ANKS1B: variants seen among roughly 807,000 people sequenced by gnomAD.
The protein encoded by ANKS1B is ankyrin repeat and sterile alpha motif domain containing 1B.
Under a neutral mutation model 148.3 loss-of-function variants are expected in ANKS1B, and 36 were observed. The observed-to-expected ratio is 0.24, with a 90% CI of 0.19 to 0.32. The LOEUF (loss-of-function observed/expected upper bound fraction) is 0.32. ANKS1B is among the 10% of genes least tolerant of loss of function. The pLI is 1.00. For missense variants in ANKS1B, 1,157 were observed against 1,542.6 expected, an observed-to-expected ratio of 0.75 and a Z score of 4.19; for synonymous variants, 542 against 560.8, an observed-to-expected ratio of 0.97 and a Z score of 0.47.
intron 8 of ANKS1B, among the ~76,000 whole-genome samples, chr12:99,744,977 G>T (rs2060454139): frequency 9.5e-6 from 1 of 105,304 alleles, no homozygotes; most frequent in South Asian, 3.6e-4. Context: ...AGGTGACAGA[G>T]TGAGACTCTG....
At chr12:99,912,645 C>A (rs1265109644) in intron 1 of ANKS1B, among the ~76,000 whole-genome samples, 2 of 152,178 alleles carry the variant, frequency 1.3e-5, no homozygotes, top group African/African-American at 4.8e-5. Context: ...AGCCACTGCA[C>A]CTGGCCCCAG....
intron 12 of ANKS1B, among the ~76,000 whole-genome samples, chr12:99,276,896 A>G: frequency 6.6e-6 from 1 of 152,182 alleles, no homozygotes; most frequent in East Asian, 1.9e-4. Flanking sequence ...GTAATATTTT[A>G]CTTCTCTGGA....
intron 9 of ANKS1B, among the ~76,000 whole-genome samples, chr12:99,546,423 C>T (rs10745859): frequency 0.46 from 70,160 of 151,926 alleles, 16,368 homozygotes; most frequent in East Asian, 0.55. Flanking sequence ...TCTTAACCTA[C>T]TTGTACTCTA....
At chr12:99,598,845 AC>A (rs2097777969) in intron 9 of ANKS1B, among the ~76,000 whole-genome samples, 1 of 152,090 alleles carries the variant, frequency 6.6e-6, no homozygotes, top group Non-Finnish European at 1.5e-5. Context: ...GTTACTTAAA[AC>A]AACAGAAGCT....
intron 1 of ANKS1B, among the ~76,000 whole-genome samples, chr12:99,842,697 G>A (rs1022559882): frequency 6.6e-5 from 10 of 152,022 alleles, no homozygotes; most frequent in African/African-American, 1.4e-4. Flanking sequence ...TGCTATATTT[G>A]GCACTGACCC....
intron 8 of ANKS1B, among the ~76,000 whole-genome samples, chr12:99,692,668 CAAAAAAA>C (rs71088139): frequency 7.8e-6 from 1 of 128,432 alleles, no homozygotes. Context: ...AAGATTCTGT[CAAAAAAA>C]AAAAAAAAAG....
intron 19 of ANKS1B, among the ~76,000 whole-genome samples, chr12:98,808,334 G>C (rs1269084208): frequency 6.6e-6 from 1 of 152,146 alleles, no homozygotes; most frequent in Non-Finnish European, 1.5e-5. Context: ...TATCTTCAAT[G>C]ACCAAGAGCA....
intron 9 of ANKS1B, among the ~76,000 whole-genome samples, chr12:99,575,649 C>T (rs1041107146): frequency 6.6e-6 from 1 of 151,944 alleles, no homozygotes; most frequent in South Asian, 2.1e-4. Flanking sequence ...TTCACTACCA[C>T]GAGAACAGTA....
intron 12 of ANKS1B, among the ~76,000 whole-genome samples, chr12:99,366,807 C>T (rs927462418): frequency 2.0e-5 from 3 of 151,532 alleles, no homozygotes; most frequent in Admixed American, 6.6e-5. Flanking sequence ...ACTCAAAATA[C>T]GGAAGCAATA....
chr12:98,769,084 A>T (rs1434753247), intron 25 of ANKS1B, among the ~76,000 whole-genome samples: 1 of 151,924 alleles, frequency 6.6e-6, no homozygotes, highest in Non-Finnish European at 1.5e-5. Flanking sequence ...AAAAAGCAGT[A>T]ACTTCACAAT....
At chr12:99,593,424 A>G (rs555700718) in intron 9 of ANKS1B, among the ~76,000 whole-genome samples, 1 of 152,276 alleles carries the variant, frequency 6.6e-6, no homozygotes, top group African/African-American at 2.4e-5. Flanking sequence ...GCACAATAAT[A>G]TAATTTATAA....
At chr12:98,983,923 A>T (rs2099921819) in intron 17 of ANKS1B, among the ~76,000 whole-genome samples, 1 of 152,168 alleles carries the variant, frequency 6.6e-6, no homozygotes, top group Non-Finnish European at 1.5e-5. Context: ...GAATAGTTTT[A>T]TCTCCCTGCT....
chr12:99,250,292 A>T (rs1347576327), intron 12 of ANKS1B, among the ~76,000 whole-genome samples: 1 of 152,188 alleles, frequency 6.6e-6, no homozygotes, highest in African/African-American at 2.4e-5. Flanking sequence ...GGTAATTGGG[A>T]CTATGGGCTC....
chr12:99,868,534 A>T (rs2091053432), intron 1 of ANKS1B, among the ~76,000 whole-genome samples: 1 of 151,480 alleles, frequency 6.6e-6, no homozygotes, highest in Admixed American at 6.6e-5. Flanking sequence ...AAGAAATTTC[A>T]TGCAGAAAAC....
At chr12:99,558,927 C>T (rs916005859) in intron 9 of ANKS1B, among the ~76,000 whole-genome samples, 7 of 152,162 alleles carry the variant, frequency 4.6e-5, no homozygotes, top group Non-Finnish European at 7.4e-5. Flanking sequence ...GCTCAAGTGT[C>T]TGTGGGGATT....
intron 17 of ANKS1B, among the ~76,000 whole-genome samples, chr12:99,016,950 G>A (rs1244456376): frequency 1.3e-5 from 2 of 152,154 alleles, no homozygotes; most frequent in Non-Finnish European, 2.9e-5. Flanking sequence ...AGCAATTAAA[G>A]TTCCATGTCC....
chr12:98,952,580 C>G (rs2099855738), intron 17 of ANKS1B, among the ~76,000 whole-genome samples: 1 of 152,120 alleles, frequency 6.6e-6, no homozygotes, highest in Non-Finnish European at 1.5e-5. Flanking sequence ...TATCCAGGAC[C>G]CTCGGCGATC....
intron 17 of ANKS1B, among the ~76,000 whole-genome samples, chr12:98,844,603 T>C (rs186455643): frequency 2.0e-5 from 3 of 152,340 alleles, no homozygotes; most frequent in African/African-American, 7.2e-5. Context: ...TTGATTCCAA[T>C]AAAGCACTTG....
intron 9 of ANKS1B, among the ~76,000 whole-genome samples, chr12:99,613,497 T>C (rs866528058): frequency 6.6e-6 from 1 of 152,034 alleles, no homozygotes; most frequent in African/African-American, 2.4e-5. Flanking sequence ...GTGGTACATA[T>C]ACAACACAGA....
Sources: allele counts gnomAD v4.1 joint callset (sites outside exome capture counted in the v4.1 genomes callset), GRCh38; gene constraint gnomAD v4.1.1; transcripts MANE v1.5; gene names NCBI Gene and HGNC (gene_info 2026-07-23, HGNC 2026-07-21).